The following DMBX1 variants were observed in gnomAD, a reference collection of about 807,000 sequenced individuals.
DMBX1 encodes diencephalon/mesencephalon homeobox 1, also known as diencephalon/mesencephalon homeobox protein 1.
Under a neutral mutation model 30.4 loss-of-function variants are expected in DMBX1, and 7 were observed. The observed-to-expected ratio is 0.23, with a 90% CI of 0.13 to 0.43. The LOEUF is 0.43. Ranked by LOEUF, DMBX1 falls within the 20% of genes least tolerant of loss-of-function variation. DMBX1 has a pLI of 1.00. For missense variants in DMBX1, 460 were observed against 508.5 expected, an observed-to-expected ratio of 0.90 and a Z score of 0.92; for synonymous variants, 222 against 214.2, an observed-to-expected ratio of 1.04 and a Z score of -0.32.
intron 3 of DMBX1, among the ~76,000 whole-genome samples, chr1:46,508,616 A>AG (rs1376078853): frequency 6.6e-6 from 1 of 152,136 alleles, no homozygotes; most frequent in Non-Finnish European, 1.5e-5. Flanking sequence ...GAGCACAGAG[A>AG]GGAGTCAGGG....
At chr1:46,500,826 C>G (rs1300253180) in intron 2 of DMBX1, among the ~76,000 whole-genome samples, 6 of 152,116 alleles carry the variant, frequency 3.9e-5, no homozygotes, top group African/African-American at 1.4e-4. Context: ...ACTGGGAATA[C>G]CTGTCCCCTC....
At chr1:46,492,796 C>T (rs1569877281) in intron 2 of DMBX1, among the ~76,000 whole-genome samples, 1 of 152,258 alleles carries the variant, frequency 6.6e-6, no homozygotes, top group East Asian at 1.9e-4. Flanking sequence ...GGCAGATCCA[C>T]TAATCACGTA....
At chr1:46,496,628 C>T (rs1297964533) in intron 2 of DMBX1, among the ~76,000 whole-genome samples, 1 of 152,210 alleles carries the variant, frequency 6.6e-6, no homozygotes, top group African/African-American at 2.4e-5. Context: ...TTCAGCCAGC[C>T]CCACAACACC....
chr1:46,505,910 G>A (rs1666226240), intron 2 of DMBX1, among the ~76,000 whole-genome samples: 1 of 152,080 alleles, frequency 6.6e-6, no homozygotes, highest in South Asian at 2.1e-4. Context: ...CTGCAAGTGG[G>A]GCTTGTCATT....
At chr1:46,511,417 C>T in intron 5 of DMBX1, 134 bp downstream of exon 5, 1 of 1,066,160 alleles carries the variant, frequency 9.4e-7, no homozygotes, top group East Asian at 2.7e-5. Flanking sequence ...CAGGCCTGGG[C>T]CAGGTTTTCA....
rs1666421500 is a variant in DMBX1 at position 46,513,239 on chromosome 1, CCCTT to C, written c.*751_*754del. 1 of 152,734 alleles carries C rather than the reference CCCTT, an allele frequency of 6.5e-6. No individual in the cohort carries two copies. The highest frequency in any genetic ancestry group is 6.6e-5 in the Admixed American group (1 of 15,260). 9.5% of individuals were successfully genotyped at this position (152,734 alleles called of 1,614,324 possible). ...GACTTCCCGTTGCTCTCCTTCTATT[CCCTT>C]CCTTCTGCCCTGCCTGCCTCCCTGC... On this transcript the variant is annotated 3_prime_UTR_variant, in exon 6 of 6. Transcript: ENST00000360032.
In DMBX1 at chr1:46,512,288, C is replaced by T. The variant is rs752647536; in HGVS notation, c.928C>T (p.Leu310=). ...CGTCAACATGGCCCCGCTGGGCTCA[C>T]TGCACTGCCAGTCCTACTACCAGTC... ...LGVNMAPLGS[L]HCQSYYQSLS... Residue 310 remains leucine (L), a synonymous_variant, in exon 6 of 6, where the codon CTG becomes TTG. Coordinates refer to ENST00000360032, the MANE Select transcript of DMBX1 (RefSeq NM_172225.2). The surrounding 1 kb of genome is among the most constrained non-coding windows in gnomAD (Gnocchi z 4.8). 4.3e-6 allele frequency: 7 copies of T among 1,613,524 alleles called. No homozygotes were observed. The highest frequency in any genetic ancestry group is 2.7e-5 in the African/African-American group (2 of 74,894).
intron 2 of DMBX1, among the ~76,000 whole-genome samples, chr1:46,506,619 G>C (rs1005882164): frequency 6.6e-6 from 1 of 152,210 alleles, no homozygotes; most frequent in Non-Finnish European, 1.5e-5. Flanking sequence ...CTTAATCCTT[G>C]CAGCAACCCT....
chr1:46,498,559 A>G (rs1263858198), intron 2 of DMBX1, among the ~76,000 whole-genome samples: 7 of 152,128 alleles, frequency 4.6e-5, no homozygotes, highest in African/African-American at 1.7e-4. Context: ...AGCAGGGGAC[A>G]GGGCCACATG....
chr1:46,509,131 G>A (rs1207310901), intron 3 of DMBX1, among the ~76,000 whole-genome samples: 3 of 151,892 alleles, frequency 2.0e-5, no homozygotes, highest in Non-Finnish European at 4.4e-5. Context: ...GGAGTGCAAT[G>A]GTGCCATCTT....
chr1:46,503,709 T>G (rs1174554783), intron 2 of DMBX1, among the ~76,000 whole-genome samples: 2 of 152,236 alleles, frequency 1.3e-5, no homozygotes, highest in Non-Finnish European at 2.9e-5. Context: ...GGTTGTTTGA[T>G]TATATATAGC....
At chr1:46,508,132 G>A (rs1055253649) in intron 3 of DMBX1, among the ~76,000 whole-genome samples, 3 of 151,640 alleles carry the variant, frequency 2.0e-5, no homozygotes, top group Admixed American at 6.6e-5. Flanking sequence ...CCCAGGTCCA[G>A]CCTTGAGCAG....
At chr1:46,511,628 A>G (rs1475709367) in intron 5 of DMBX1, among the ~76,000 whole-genome samples, 2 of 152,184 alleles carry the variant, frequency 1.3e-5, no homozygotes, top group Admixed American at 6.5e-5. Context: ...CACGTGCAGC[A>G]GAGACTCCGA....
At chr1:46,490,844 C>G (rs1665915972) in intron 2 of DMBX1, among the ~76,000 whole-genome samples, 61 bp downstream of exon 2, 1 of 152,236 alleles carries the variant, frequency 6.6e-6, no homozygotes, top group Admixed American at 6.5e-5. Context: ...CCCGCGGCCT[C>G]AGCCGGCGTG....
rs1570571 is a variant in DMBX1 at position 46,500,535 on chromosome 1, C to A, written c.-12-6464C>A. On this transcript the variant is annotated intron_variant, in intron 2 of 5. Transcript: ENST00000360032. ...TATCCAGCGAAAGACGTGGATACCT[C>A]CCCCCAGCCCCTACCCCCCTCCCCC... Among the ~76,000 whole-genome samples the A allele has an allele frequency of 3.0e-3, 451 of 148,260 alleles. 1 individual carries two copies. Among genetic ancestry groups the A allele is most frequent in the Non-Finnish European group, 5.5e-3 (368 of 67,442 alleles).
At position 46,491,660 on chromosome 1, in the gene DMBX1, G is replaced by A. The variant is rs145547616; in HGVS notation, c.-13+877G>A. Among the ~76,000 whole-genome samples the A allele has an allele frequency of 6.4e-4, 98 of 152,328 alleles. 1 individual carries two copies. Among genetic ancestry groups the A allele is most frequent in the Admixed American group, 2.0e-4 (3 of 15,306 alleles). On this transcript the variant is annotated intron_variant, in intron 2 of 5. Coordinates refer to ENST00000360032, the MANE Select transcript of DMBX1 (RefSeq NM_172225.2). The surrounding 1 kb of genome is among the most constrained non-coding windows in gnomAD (Gnocchi z 5.5). Reference sequence around the variant, plus strand: ...CTCTCTAGTGCTAGGGATTCTGTGCGCTGCAGGCGGGTCAGCTCTGTCCAA... The same window carrying A: ...CTCTCTAGTGCTAGGGATTCTGTGCACTGCAGGCGGGTCAGCTCTGTCCAA...
At chr1:46,504,157 T>G (rs1638219088) in intron 2 of DMBX1, among the ~76,000 whole-genome samples, 2 of 151,964 alleles carry the variant, frequency 1.3e-5, no homozygotes, top group South Asian at 4.2e-4. Context: ...TCTCCCATTT[T>G]GTAGGTTGCC....
At chr1:46,503,169 C>T (rs1192743291) in intron 2 of DMBX1, among the ~76,000 whole-genome samples, 2 of 152,228 alleles carry the variant, frequency 1.3e-5, no homozygotes, top group Admixed American at 6.5e-5. Context: ...TTTGTCCTTG[C>T]TGTTACCTCT....
rs1262691485 is a variant in DMBX1 at position 46,491,731 on chromosome 1, A to C, written c.-13+948A>C. ...TGGTCTGTTAGTTTTAGGTGGGTGT[A>C]GTGGGGGTTGTTTTCAATTTTTCGG... On this transcript the variant is annotated intron_variant, in intron 2 of 5. Coordinates refer to ENST00000360032, the MANE Select transcript of DMBX1 (RefSeq NM_172225.2). The surrounding 1 kb of genome is among the most constrained non-coding windows in gnomAD (Gnocchi z 5.5). Among the ~76,000 whole-genome samples the C allele has an allele frequency of 3.9e-5, 6 of 152,024 alleles. No homozygotes were observed. Among genetic ancestry groups the C allele is most frequent in the Non-Finnish European group, 8.8e-5 (6 of 68,004 alleles).
Sources: allele counts gnomAD v4.1 joint callset (sites outside exome capture counted in the v4.1 genomes callset), GRCh38; gene constraint gnomAD v4.1.1; non-coding constraint Gnocchi (gnomAD v3.1); transcripts MANE v1.5; gene names NCBI Gene and HGNC (gene_info 2026-07-23, HGNC 2026-07-21).